CMC1: variants seen among roughly 807,000 people sequenced by gnomAD.
CMC1 encodes C-X9-C motif containing 1.
A neutral mutation model predicts 14.1 loss-of-function variants in CMC1; 14 were observed. The ratio of observed to expected loss-of-function variants is 0.99; its 90% CI spans 0.66 to 1.55. The LOEUF is 1.55. Ranked by LOEUF, CMC1 falls within the 40% of genes most tolerant of loss-of-function variation. The probability of loss-of-function intolerance (pLI) is 0.00; values close to 1 mark genes in which losing one functional copy is unlikely to be tolerated. For synonymous variants in CMC1, 50 were observed against 38.4 expected, an observed-to-expected ratio of 1.30 and a Z score of -1.12; for missense variants, 127 against 123.8, an observed-to-expected ratio of 1.03 and a Z score of -0.12.
At chr3:28,276,489 T>C (rs1700595841) in intron 2 of CMC1, among the ~76,000 whole-genome samples, 1 of 152,200 alleles carries the variant, frequency 6.6e-6, no homozygotes, top group Admixed American at 6.5e-5. Flanking sequence ...AACAATATTT[T>C]ATTGTTCTAA....
At chr3:28,294,601 C>A in intron 2 of CMC1, 1 of 244,070 alleles carries the variant, frequency 4.1e-6, no homozygotes, top group Non-Finnish European at 6.6e-6. Flanking sequence ...AGTTAAAAAG[C>A]TAATGGAAAC....
chr3:28,274,420 A>C (rs2125497852), intron 2 of CMC1, among the ~76,000 whole-genome samples: 1 of 151,968 alleles, frequency 6.6e-6, no homozygotes. Flanking sequence ...TCTTTTCTTT[A>C]AGAATATTGA....
At chr3:28,260,612 A>G (rs1485573496) in intron 1 of CMC1, among the ~76,000 whole-genome samples, 2 of 147,772 alleles carry the variant, frequency 1.4e-5, no homozygotes, top group Non-Finnish European at 3.0e-5. Flanking sequence ...ATATTTTGAT[A>G]TTTATCTTTT....
At chr3:28,255,528 G>A (rs1205594662) in intron 1 of CMC1, among the ~76,000 whole-genome samples, 1 of 152,042 alleles carries the variant, frequency 6.6e-6, no homozygotes, top group Non-Finnish European at 1.5e-5. Context: ...TTACAGGCAT[G>A]AACCACTGTG....
intron 2 of CMC1, among the ~76,000 whole-genome samples, chr3:28,313,712 G>T (rs1047013114): frequency 2.9e-4 from 44 of 152,130 alleles, no homozygotes; most frequent in African/African-American, 1.1e-3. Context: ...TGCCTTTATT[G>T]TGATCAGAAC....
At chr3:28,273,353 C>G (rs55954817) in intron 2 of CMC1, among the ~76,000 whole-genome samples, 1 of 152,010 alleles carries the variant, frequency 6.6e-6, no homozygotes, top group Non-Finnish European at 1.5e-5. Flanking sequence ...TTATTTACCC[C>G]GGAGCCATTC....
At chr3:28,317,608 T>A (rs1702988952) in intron 3 of CMC1, 1 of 152,138 alleles carries the variant, frequency 6.6e-6, no homozygotes, top group South Asian at 2.1e-4. Context: ...GTTTGACATA[T>A]TATCCTTCAC....
rs1053687188 is a variant in CMC1, at chr3:28,293,891, C to CT, written c.110-22434dup. On this transcript the variant is annotated intron_variant, in intron 2 of 3. Coordinates refer to ENST00000466830, the MANE Select transcript of CMC1 (RefSeq NM_182523.2). The stretch of plus-strand genomic sequence containing the variant: ...GACACCATGCCTGGCTAAAAGTATT[C>CT]TTTTTTTTAACTTGAAAACCTGTGT... 8.6e-5 allele frequency among the ~76,000 whole-genome samples: 13 copies of CT among 151,962 alleles called. No homozygotes were observed. In the Middle Eastern group the frequency reaches 0.01, roughly 119 times the overall value.
intron 2 of CMC1, among the ~76,000 whole-genome samples, chr3:28,306,439 C>CTAT (rs1189548735): frequency 6.6e-6 from 1 of 151,916 alleles, no homozygotes; most frequent in Non-Finnish European, 1.5e-5. Flanking sequence ...GTGTGTGTGG[C>CTAT]TATTGTAAAT....
intron 2 of CMC1, among the ~76,000 whole-genome samples, chr3:28,289,119 G>C (rs2125542715): frequency 6.7e-6 from 1 of 150,356 alleles, no homozygotes; most frequent in South Asian, 2.1e-4. Flanking sequence ...TTTTTTTTAA[G>C]TTTTTGAATT....
chr3:28,294,731 CATTTTCGCTTT>C (rs1197349969), intron 2 of CMC1, among the ~76,000 whole-genome samples: 1 of 151,716 alleles, frequency 6.6e-6, no homozygotes, highest in Non-Finnish European at 1.5e-5. Context: ...TTATTTTTTC[CATTTTCGCTTT>C]AGGAAATTTG....
intron 2 of CMC1, among the ~76,000 whole-genome samples, chr3:28,290,998 A>T (rs1235260624): frequency 3.9e-5 from 6 of 151,992 alleles, no homozygotes; most frequent in Non-Finnish European, 8.8e-5. Context: ...AAGGTCACTC[A>T]TGGTTGTTGG....
At chr3:28,276,310 G>T (rs1278820311) in intron 2 of CMC1, among the ~76,000 whole-genome samples, 7 of 152,098 alleles carry the variant, frequency 4.6e-5, no homozygotes, top group African/African-American at 1.7e-4. Context: ...CAGGATGGAT[G>T]AATATAGTTT....
intron 2 of CMC1, 153 bp from the exon 3 acceptor site, chr3:28,316,180 T>A: frequency 2.0e-6 from 1 of 494,298 alleles, no homozygotes; most frequent in Non-Finnish European, 3.6e-6. Flanking sequence ...ACATAATAGA[T>A]GTTCAAGGCT....
intron 1 of CMC1, among the ~76,000 whole-genome samples, chr3:28,242,092 G>T (rs1178100676): frequency 2.0e-5 from 3 of 152,204 alleles, no homozygotes; most frequent in South Asian, 2.1e-4. Flanking sequence ...CCCTCTTTTC[G>T]CCCCTTAAGG....
At chr3:28,301,278 G>A (rs143574681) in intron 2 of CMC1, among the ~76,000 whole-genome samples, 1 of 152,084 alleles carries the variant, frequency 6.6e-6, no homozygotes, top group Non-Finnish European at 1.5e-5. Flanking sequence ...GGAGTGCAGT[G>A]GCATGATCAC....
intron 2 of CMC1, among the ~76,000 whole-genome samples, chr3:28,275,753 C>T (rs901950971): frequency 6.6e-6 from 1 of 152,144 alleles, no homozygotes; most frequent in Non-Finnish European, 1.5e-5. Flanking sequence ...CGTAGCCGCC[C>T]TTGCCCCCAG....
chr3:28,324,515 T>A lies in CMC1; in HGVS notation c.*4886T>A. On this transcript the variant is annotated 3_prime_UTR_variant, in exon 4 of 4. Coordinates refer to ENST00000466830, the MANE Select transcript of CMC1 (RefSeq NM_182523.2). ...TTACATTTGTGATCATAAAATTCGA[T>A]AACACTTCACCAATTTGAATTCTAG... is the stretch of plus-strand genomic sequence containing the variant. 7.4e-7 allele frequency: 1 copy of A among 1,354,550 alleles called. No homozygotes were observed. The highest frequency in any genetic ancestry group is 9.7e-7 in the Non-Finnish European group (1 of 1,028,444). 83.9% of individuals were successfully genotyped at this position (1,354,550 alleles called of 1,614,324 possible). A position where few individuals can be genotyped will look rare whatever the true frequency, so the allele number is the denominator to read the frequency against.
intron 2 of CMC1, among the ~76,000 whole-genome samples, chr3:28,310,272 A>G (rs12486008): frequency 0.031 from 4,664 of 152,270 alleles, 124 homozygotes; most frequent in Non-Finnish European, 0.05. Context: ...TTCCTCAGGG[A>G]CTATTGTTAG....
Sources: allele counts gnomAD v4.1 joint callset (sites outside exome capture counted in the v4.1 genomes callset), GRCh38; gene constraint gnomAD v4.1.1; transcripts MANE v1.5; gene names NCBI Gene and HGNC (gene_info 2026-07-23, HGNC 2026-07-21).